DCAKD: variants seen among roughly 807,000 people sequenced by gnomAD.
DCAKD encodes the protein dephospho-CoA kinase domain containing.
DCAKD carries 15 observed loss-of-function variants against 18.7 expected under a neutral mutation model. The observed-to-expected ratio is 0.80, with a 90% CI of 0.54 to 1.24. The LOEUF (loss-of-function observed/expected upper bound fraction) is 1.24, where lower values mean the gene tolerates loss of function less well. DCAKD is among the 50% of genes most tolerant of loss of function. The probability of loss-of-function intolerance (pLI) is 0.00; values close to 1 mark genes in which losing one functional copy is unlikely to be tolerated. For synonymous variants in DCAKD, 130 were observed against 133.0 expected (o/e 0.98, Z 0.16); for missense variants, 301 against 322.0 (o/e 0.93, Z 0.50).
chr17:45,026,005 GTCTC>G, intron 4 of DCAKD, among the ~76,000 whole-genome samples: 1 of 151,580 alleles, frequency 6.6e-6, no homozygotes, highest in East Asian at 1.9e-4. Flanking sequence ...TGTAGCCTCT[GTCTC>G]TTGGGATCAA....
At chr17:45,048,762 C>CG (rs1335642405) in intron 1 of DCAKD, among the ~76,000 whole-genome samples, 2 of 150,216 alleles carry the variant, frequency 1.3e-5, no homozygotes, top group African/African-American at 4.9e-5. Context: ...GCCAAGACTG[C>CG]GCCACTGCAC....
At chr17:45,051,295 G>A (rs2053688979) in intron 1 of DCAKD, 66 bp downstream of exon 1, 1 of 152,216 alleles carries the variant, frequency 6.6e-6, no homozygotes. Flanking sequence ...GTAAAACAGA[G>A]GAAATAACAC....
chr17:45,053,121 G>T (rs1320659259), upstream of DCAKD, among the ~76,000 whole-genome samples: 1 of 122,954 alleles, frequency 8.1e-6, no homozygotes, highest in African/African-American at 3.3e-5. Context: ...CCAAGATCCG[G>T]TCACTGCACT....
At chr17:45,030,831 AG>A (rs1351518673) in intron 3 of DCAKD, among the ~76,000 whole-genome samples, 1 of 152,140 alleles carries the variant, frequency 6.6e-6, no homozygotes, top group Non-Finnish European at 1.5e-5. Flanking sequence ...CTGGATCTGG[AG>A]TCAGAGCGGG....
At chr17:45,051,667 T>A (rs2053701144), upstream of DCAKD, 1 of 145,636 alleles carries the variant, frequency 6.9e-6, no homozygotes, top group Non-Finnish European at 1.5e-5. Context: ...AGACCGGACG[T>A]CCGGCCAGCA....
At chr17:45,046,686 A>G (rs2097869125) in intron 1 of DCAKD, among the ~76,000 whole-genome samples, 1 of 151,378 alleles carries the variant, frequency 6.6e-6, no homozygotes, top group African/African-American at 2.4e-5. Context: ...TACACACAGG[A>G]GAATGAGAAC....
At chr17:45,050,052 T>TTCTG (rs1349086645) in intron 1 of DCAKD, among the ~76,000 whole-genome samples, 2 of 149,174 alleles carry the variant, frequency 1.3e-5, no homozygotes, top group African/African-American at 5.0e-5. Context: ...CTTTCTTTCT[T>TTCTG]TCTTTTGAGA....
chr17:45,036,285 G>A (rs1227477912), intron 1 of DCAKD, among the ~76,000 whole-genome samples: 1 of 152,224 alleles, frequency 6.6e-6, no homozygotes, highest in Non-Finnish European at 1.5e-5. Flanking sequence ...GGGAGGCCGA[G>A]GCAGGCAGAT....
chr17:45,046,722 T>C (rs1384292233), intron 1 of DCAKD, among the ~76,000 whole-genome samples: 1 of 151,936 alleles, frequency 6.6e-6, no homozygotes, highest in African/African-American at 2.4e-5. Context: ...GAAGATTTTC[T>C]GAGAGGCACA....
intron 1 of DCAKD, among the ~76,000 whole-genome samples, chr17:45,043,135 G>A (rs969731216): frequency 9.9e-5 from 15 of 152,030 alleles, no homozygotes; most frequent in Admixed American, 7.2e-4. Context: ...TCAGCATCCT[G>A]AGCTTCTCTT....
chr17:45,024,760 C>T (rs1567826904), intron 4 of DCAKD, 36 bp from the exon 5 acceptor site: 2 of 1,524,564 alleles, frequency 1.3e-6, no homozygotes, highest in Non-Finnish European at 1.8e-6. Context: ...TAGGTCCTGC[C>T]TCCCTCTCAC....
At position 45,034,873 on chromosome 17, in the gene DCAKD, C is replaced by T; in HGVS notation, c.13G>A (p.Gly5Ser). The change falls in exon 2 of 5, where the codon GGC becomes AGC. Residue 5 changes from glycine to serine, a missense_variant. Gly to Ser is a moderately conservative substitution (Grantham distance 56, BLOSUM62 0). Coordinates refer to ENST00000651974, the MANE Select transcript of DCAKD (RefSeq NM_001288655.2). Reference sequence around the variant, plus strand: ...CCTGAGGCAATGCCCCCTGTCAGGCCCACCAGAAACATCTTCCAGGAAAGA... The same window carrying T: ...CCTGAGGCAATGCCCCCTGTCAGGCTCACCAGAAACATCTTCCAGGAAAGA... MFLV[G>S]LTGGIASGKS... The T allele has an allele frequency of 6.2e-7, 1 of 1,614,134 alleles. No homozygotes were observed.
At chr17:45,043,758 T>C (rs984494687) in intron 1 of DCAKD, among the ~76,000 whole-genome samples, 4 of 152,090 alleles carry the variant, frequency 2.6e-5, no homozygotes, top group African/African-American at 9.7e-5. Flanking sequence ...GGGGAATGTT[T>C]TTCTATACAA....
At chr17:45,053,179 A>AC (rs2053741785), upstream of DCAKD, among the ~76,000 whole-genome samples, 1 of 109,024 alleles carries the variant, frequency 9.2e-6, no homozygotes, top group Non-Finnish European at 2.3e-5. Flanking sequence ...TAAAAAAAAA[A>AC]AAAAAAAAAA....
intron 4 of DCAKD, among the ~76,000 whole-genome samples, chr17:45,025,740 CCTTCTTTTTT>C (rs1206249382): frequency 7.6e-6 from 1 of 131,270 alleles, no homozygotes; most frequent in Admixed American, 9.5e-5. Context: ...CATTTTGGTT[CCTTCTTTTTT>C]TTTTTTTTTT....
At chr17:45,030,464 G>A (rs1288169201) in intron 3 of DCAKD, among the ~76,000 whole-genome samples, 1 of 152,208 alleles carries the variant, frequency 6.6e-6, no homozygotes, top group Non-Finnish European at 1.5e-5. Context: ...GAAGGTGAAG[G>A]TGAGGATTCC....
chr17:45,033,937 C>T (rs896354452), intron 3 of DCAKD: 1 of 1,533,894 alleles, frequency 6.5e-7, no homozygotes, highest in Middle Eastern at 1.7e-4. Context: ...CAACTTACTT[C>T]CTGGGCTCAT....
chr17:45,036,557 T>C lies in DCAKD; in HGVS notation c.-114-1558A>G, dbSNP rs528525498. ...AAAAAGAAAATGCATCTGCAGTCCA[T>C]GGTATGTTGCTTGATAAATGGTAAA... On this transcript the variant is annotated intron_variant, in intron 1 of 4. Transcript: ENST00000651974. Among the ~76,000 whole-genome samples, 87 of 151,584 alleles carry C rather than the reference T, an allele frequency of 5.7e-4. 1 individual carries two copies. The highest frequency in any genetic ancestry group is 2.0e-3 in the African/African-American group (84 of 41,298).
chr17:45,026,907 G>A, intron 4 of DCAKD: 1 of 811,592 alleles, frequency 1.2e-6, no homozygotes, highest in Non-Finnish European at 1.5e-6. Flanking sequence ...CCAGACCACA[G>A]AGCCTCCTGG....
Sources: allele counts gnomAD v4.1 joint callset (sites outside exome capture counted in the v4.1 genomes callset), GRCh38; gene constraint gnomAD v4.1.1; transcripts MANE v1.5; gene names NCBI Gene and HGNC (gene_info 2026-07-23, HGNC 2026-07-21).